Variants in LINGO2 observed in about 807,000 individuals in gnomAD.
LINGO2 encodes the protein leucine rich repeat and Ig domain containing 2, also known as leucine-rich repeat and immunoglobulin-like domain-containing nogo receptor-interacting protein 2.
LINGO2 carries 14 observed loss-of-function variants against 30.6 expected under a neutral mutation model. The ratio of observed to expected loss-of-function variants is 0.46; its 90% CI spans 0.30 to 0.72. The LOEUF (loss-of-function observed/expected upper bound fraction) is 0.72, where lower values mean the gene tolerates loss of function less well. LINGO2 is among the 30% of genes least tolerant of loss of function. LINGO2 has a pLI of 0.07. For missense variants in LINGO2, 729 were observed against 751.7 expected (o/e 0.97, Z 0.35); for synonymous variants, 317 against 288.5 (o/e 1.10, Z -1.00).
rs114390151 is a variant in LINGO2, at chr9:27,949,897, T to C, written c.775A>G (p.Thr259Ala). The C allele has an allele frequency of 3.1e-4, 503 of 1,613,980 alleles. 1 individual carries two copies. The African/African-American group carries it at 5.9e-3, about 19-fold the overall frequency. Residue 259 changes from threonine to alanine, a missense_variant, in exon 6 of 6, where the codon ACC becomes GCC. Physicochemically the swap from Thr to Ala is moderately conservative, Grantham distance 58 (BLOSUM62 0). Transcript: ENST00000379992. The stretch of plus-strand genomic sequence containing the variant: ...AGGAAGGGTACAGTAGACAGATTGG[T>C]GTTGGTGACTGAAAGGGATGTGAGG...
intron 2 of LINGO2, among the ~76,000 whole-genome samples, chr9:28,388,363 C>T (rs1302509489): frequency 6.6e-6 from 1 of 152,148 alleles, no homozygotes; most frequent in Non-Finnish European, 1.5e-5. Context: ...GTAAACATTG[C>T]TGCTGTTAAC....
intron 5 of LINGO2, among the ~76,000 whole-genome samples, chr9:28,004,198 T>C (rs1822138215): frequency 6.6e-6 from 1 of 152,200 alleles, no homozygotes; most frequent in Non-Finnish European, 1.5e-5. Context: ...CCTAATCCTA[T>C]ATAATAACAA....
the LINGO2 span, among the ~76,000 whole-genome samples, chr9:29,126,094 A>C: frequency 3.3e-5 from 5 of 152,154 alleles, no homozygotes; most frequent in African/African-American, 9.7e-5. Flanking sequence ...TCTTTTGAAA[A>C]TAATCCCTCC....
chr9:28,420,281 T>G (rs1823140277), intron 2 of LINGO2, among the ~76,000 whole-genome samples: 1 of 152,134 alleles, frequency 6.6e-6, no homozygotes, highest in Non-Finnish European at 1.5e-5. Context: ...AAGTCTCTTC[T>G]TAATTACAAG....
At chr9:28,557,556 A>C (rs1822790257) in intron 1 of LINGO2, among the ~76,000 whole-genome samples, 1 of 152,018 alleles carries the variant, frequency 6.6e-6, no homozygotes, top group Non-Finnish European at 1.5e-5. Flanking sequence ...GTGCGACTGT[A>C]AACTAGTTCA....
the LINGO2 span, among the ~76,000 whole-genome samples, chr9:28,846,919 G>A: frequency 7.2e-5 from 10 of 138,858 alleles, 2 homozygotes; most frequent in Non-Finnish European, 1.6e-4. Context: ...AGAATCAAGA[G>A]TGAAGGAAAA....
intron 5 of LINGO2, among the ~76,000 whole-genome samples, chr9:27,962,263 T>C (rs1819885240): frequency 6.6e-6 from 1 of 151,350 alleles, no homozygotes; most frequent in African/African-American, 2.4e-5. Flanking sequence ...CCAATCTGCC[T>C]ATCACCAATT....
chr9:28,930,934 A>T, the LINGO2 span, among the ~76,000 whole-genome samples: 753 of 152,262 alleles, frequency 4.9e-3, 7 homozygotes, highest in African/African-American at 0.018. The surrounding 1 kb of genome is among the most constrained non-coding windows in gnomAD (Gnocchi z 4.2). Flanking sequence ...ATGTTATTTA[A>T]ATTCAGAACA....
the LINGO2 span, among the ~76,000 whole-genome samples, chr9:29,093,146 T>C: frequency 4.6e-5 from 6 of 131,790 alleles, 2 homozygotes; most frequent in African/African-American, 1.1e-4. Context: ...TTTATACTTA[T>C]GTTTGTTTCT....
At chr9:28,471,100 G>C (rs1244042845) in intron 2 of LINGO2, among the ~76,000 whole-genome samples, 1 of 151,964 alleles carries the variant, frequency 6.6e-6, no homozygotes, top group African/African-American at 2.4e-5. Context: ...TTTTAACTTA[G>C]AGAAAGCCAA....
chr9:28,280,715 T>G (rs1057041688), intron 4 of LINGO2, among the ~76,000 whole-genome samples: 3 of 152,146 alleles, frequency 2.0e-5, no homozygotes, highest in Non-Finnish European at 4.4e-5. Flanking sequence ...TAAGTACTCA[T>G]GGTACTGTTA....
intron 3 of LINGO2, among the ~76,000 whole-genome samples, chr9:28,299,609 T>C (rs940482230): frequency 6.6e-6 from 1 of 152,176 alleles, no homozygotes; most frequent in Admixed American, 6.5e-5. Flanking sequence ...AAGTTTATAC[T>C]ATAATAATGC....
chr9:28,133,601 G>A (rs1827435526), intron 4 of LINGO2, among the ~76,000 whole-genome samples: 1 of 152,166 alleles, frequency 6.6e-6, no homozygotes, highest in South Asian at 2.1e-4. Flanking sequence ...TCACTGAGCT[G>A]AAGAGCAATG....
At chr9:28,005,303 CT>C (rs1822206885) in intron 5 of LINGO2, among the ~76,000 whole-genome samples, 1 of 152,158 alleles carries the variant, frequency 6.6e-6, no homozygotes, top group Admixed American at 6.6e-5. Flanking sequence ...CTGTTTTAAC[CT>C]TAGCCAATTT....
At position 28,130,508 on chromosome 9, in the gene LINGO2, T is replaced by C. The variant is rs765597645; in HGVS notation, c.-86-118103A>G. On this transcript the variant is annotated intron_variant, in intron 4 of 5. Coordinates refer to ENST00000379992, the Ensembl canonical transcript of LINGO2. The surrounding 1 kb of genome is among the most constrained non-coding windows in gnomAD (Gnocchi z 5.2). ...TTACCACTGACAGTCATTTAATCTC[T>C]GTTAGAAATACCTGTAGAAATAGGA... 4.3e-4 allele frequency among the ~76,000 whole-genome samples: 66 copies of C among 152,208 alleles called. No homozygotes were observed. Among genetic ancestry groups the C allele is most frequent in the Non-Finnish European group, 8.2e-4 (56 of 68,020 alleles).
exon 6 of LINGO2, chr9:27,949,236 C>A (rs1563844381): frequency 6.2e-7 from 1 of 1,614,062 alleles, no homozygotes; most frequent in Non-Finnish European, 8.5e-7. Context: ...AACATACATC[C>A]CGCTGTCTTG....
Position 28,387,141 on chromosome 9 carries a change from C to G in LINGO2, c.-278-14273G>C, listed in dbSNP as rs146904453. 4.5e-4 allele frequency among the ~76,000 whole-genome samples: 68 copies of G among 152,138 alleles called. 2 individuals are homozygous for G. In the East Asian group the frequency reaches 0.013, roughly 30 times the overall value. ...CTGTAAAAATGCACCAATCAGCACT[C>G]TGTGTCTAGCTAAAGGTTTGTAAAC... On this transcript the variant is annotated intron_variant, in intron 2 of 5. Transcript: ENST00000379992.
chr9:28,982,836 C>T, the LINGO2 span, among the ~76,000 whole-genome samples: 1 of 151,862 alleles, frequency 6.6e-6, no homozygotes, highest in Admixed American at 6.6e-5. Flanking sequence ...GCAGATACCA[C>T]CAATAATATA....
At chr9:28,200,910 T>C (rs1353322625) in intron 4 of LINGO2, among the ~76,000 whole-genome samples, 1 of 152,038 alleles carries the variant, frequency 6.6e-6, no homozygotes, top group Admixed American at 6.5e-5. Flanking sequence ...AAAGAAAAGA[T>C]TAAAAATAAA....
Sources: allele counts gnomAD v4.1 joint callset (sites outside exome capture counted in the v4.1 genomes callset), GRCh38; gene constraint gnomAD v4.1.1; non-coding constraint Gnocchi (gnomAD v3.1); transcripts MANE v1.5; gene names NCBI Gene and HGNC (gene_info 2026-07-23, HGNC 2026-07-21).